Variants in LPP observed in about 807,000 individuals in gnomAD.
LPP encodes lipoma-preferred partner.
LPP carries 38 observed loss-of-function variants against 60.4 expected under a neutral mutation model. That is an observed-to-expected ratio of 0.63 (90% confidence interval 0.49 to 0.83). The LOEUF is 0.83. Ranked by LOEUF, LPP falls within the 40% of genes least tolerant of loss-of-function variation. LPP has a pLI of 0.00. For synonymous variants in LPP, 328 were observed against 290.8 expected, an observed-to-expected ratio of 1.13 and a Z score of -1.30; for missense variants, 902 against 783.6, an observed-to-expected ratio of 1.15 and a Z score of -1.80.
At chr3:188,375,938 A>G (rs563445612) in intron 3 of LPP, among the ~76,000 whole-genome samples, 27 of 152,176 alleles carry the variant, frequency 1.8e-4, no homozygotes, top group Admixed American at 4.6e-4. Flanking sequence ...GAACATCTTT[A>G]TTTCTGCCTT....
rs568779800 is a variant in LPP, at chr3:188,373,316, C to T, written c.-10+31597C>T. Among the ~76,000 whole-genome samples the T allele has an allele frequency of 6.2e-4, 94 of 152,308 alleles. No individual in the cohort carries two copies. In the Middle Eastern group the frequency reaches 0.01, roughly 17 times the overall value. The stretch of plus-strand genomic sequence containing the variant: ...CACAATGGTTGAACTAGTTCACAGT[C>T]CCACCAAAAGTGTAAAAGTGTTCCT... On this transcript the variant is annotated intron_variant, in intron 3 of 11. Coordinates refer to ENST00000617246, the MANE Select transcript of LPP (RefSeq NM_001375462.1).
intron 6 of LPP, among the ~76,000 whole-genome samples, chr3:188,554,262 C>T (rs1828937033): frequency 6.6e-6 from 1 of 152,020 alleles, no homozygotes; most frequent in African/African-American, 2.4e-5. Flanking sequence ...GAGGAAAAAC[C>T]TTCTATCCCC....
At chr3:188,401,787 C>G (rs1325939589) in intron 3 of LPP, among the ~76,000 whole-genome samples, 1 of 152,078 alleles carries the variant, frequency 6.6e-6, no homozygotes, top group African/African-American at 2.4e-5. Context: ...GGCAGAGCAC[C>G]ATGTGACGAA....
intron 3 of LPP, among the ~76,000 whole-genome samples, chr3:188,346,886 G>A (rs567131018): frequency 1.1e-4 from 16 of 152,084 alleles, no homozygotes; most frequent in African/African-American, 2.4e-4. Flanking sequence ...TGTTAGGCTC[G>A]TTTTGTAGCA....
At chr3:188,749,071 G>A (rs1022878554) in intron 8 of LPP, among the ~76,000 whole-genome samples, 3 of 152,180 alleles carry the variant, frequency 2.0e-5, no homozygotes, top group African/African-American at 7.2e-5. Flanking sequence ...GGTTGCAATT[G>A]TAATGGAGTT....
At chr3:188,240,609 G>A (rs2149453411) in intron 2 of LPP, among the ~76,000 whole-genome samples, 1 of 152,222 alleles carries the variant, frequency 6.6e-6, no homozygotes, top group South Asian at 2.1e-4. Context: ...TATTAGACCA[G>A]CAACATATTT....
chr3:188,491,399 G>A (rs537212882), intron 5 of LPP, among the ~76,000 whole-genome samples: 32 of 152,310 alleles, frequency 2.1e-4, no homozygotes, highest in African/African-American at 7.7e-4. Flanking sequence ...TAAAATGCTT[G>A]TTTTCAAAAG....
chr3:188,527,429 G>A lies in LPP; in HGVS notation c.429+2642G>A, dbSNP rs146227355. On this transcript the variant is annotated intron_variant, in intron 6 of 11. Transcript: ENST00000617246. ...AGCGTGTAGACACGTTTAAATGCCA[G>A]ATTATGATTTTAATCTGTCTTTTGT... Among the ~76,000 whole-genome samples the A allele has an allele frequency of 1.5e-4, 22 of 151,078 alleles. No individual in the cohort carries two copies. The East Asian group carries it at 4.1e-3, about 28-fold the overall frequency.
chr3:188,187,543 C>T (rs1726959298), intron 1 of LPP, among the ~76,000 whole-genome samples: 1 of 151,998 alleles, frequency 6.6e-6, no homozygotes, highest in African/African-American at 2.4e-5. Flanking sequence ...TTAGCATTTT[C>T]TACCATATCT....
At chr3:188,215,246 C>T (rs1713065845) in intron 1 of LPP, among the ~76,000 whole-genome samples, 1 of 151,640 alleles carries the variant, frequency 6.6e-6, no homozygotes, top group African/African-American at 2.4e-5. Flanking sequence ...GTGGAGGTTG[C>T]AGTGAGCCAA....
intron 2 of LPP, among the ~76,000 whole-genome samples, chr3:188,267,610 T>G (rs1736045385): frequency 1.3e-5 from 2 of 152,194 alleles, no homozygotes; most frequent in African/African-American, 4.8e-5. Context: ...GCCATTGTAC[T>G]GGAGTTGCTT....
chr3:188,812,042 G>GT (rs1186223658), intron 9 of LPP, among the ~76,000 whole-genome samples: 1 of 152,080 alleles, frequency 6.6e-6, no homozygotes, highest in African/African-American at 2.4e-5. Context: ...TTGTAAGGTA[G>GT]TAAGAGGATC....
At position 188,423,969 on chromosome 3, in the gene LPP, A is replaced by G. The variant is rs192043767; in HGVS notation, c.193+17656A>G. Among the ~76,000 whole-genome samples, 403 of 151,850 alleles carry G rather than the reference A, an allele frequency of 2.7e-3. 6 individuals carry two copies. Among genetic ancestry groups the G allele is most frequent in the South Asian group, 0.026 (123 of 4,802 alleles). On this transcript the variant is annotated intron_variant, in intron 4 of 11. Coordinates refer to ENST00000617246, the MANE Select transcript of LPP (RefSeq NM_001375462.1). ...AAGCTCTTTAGTTTAATTAGATCCCATTTGTCAATTTTAGCTTTTGTTGCC... is the reference window on the plus strand; with the variant it reads ...AAGCTCTTTAGTTTAATTAGATCCCGTTTGTCAATTTTAGCTTTTGTTGCC...
chr3:188,223,315 C>T (rs1006066057), intron 1 of LPP, among the ~76,000 whole-genome samples: 9 of 151,892 alleles, frequency 5.9e-5, no homozygotes, highest in Middle Eastern at 3.2e-3. Context: ...GAACTATAAC[C>T]GGGTGGGGGG....
At chr3:188,404,373 T>C (rs1782931699) in intron 3 of LPP, among the ~76,000 whole-genome samples, 2 of 152,176 alleles carry the variant, frequency 1.3e-5, no homozygotes, top group African/African-American at 4.8e-5. Context: ...GCCTCTTGAG[T>C]AGCTGGAACA....
chr3:188,406,715 A>C (rs1444977397), intron 4 of LPP, among the ~76,000 whole-genome samples: 1 of 152,208 alleles, frequency 6.6e-6, no homozygotes, highest in Non-Finnish European at 1.5e-5. Context: ...GTCCAATCAG[A>C]AACTTATACA....
intron 1 of LPP, among the ~76,000 whole-genome samples, chr3:188,185,096 G>C (rs1425243582): frequency 6.6e-6 from 1 of 152,168 alleles, no homozygotes; most frequent in African/African-American, 2.4e-5. Context: ...TGTTTGCAGA[G>C]ACGCCTTCTT....
chr3:188,432,537 A>G (rs1208222401), intron 4 of LPP, among the ~76,000 whole-genome samples: 1 of 152,024 alleles, frequency 6.6e-6, no homozygotes, highest in Non-Finnish European at 1.5e-5. Context: ...GCTATAGGTG[A>G]TCATGTGTGA....
chr3:188,708,869 T>TTTTTTTG (rs1866022878), intron 8 of LPP: 1 of 166,818 alleles, frequency 6.0e-6, no homozygotes. Context: ...TGAGACCCTG[T>TTTTTTTG]TTTTTTGTTT....
Sources: gnomAD v4.1 joint callset for allele counts (sites outside exome capture counted in the v4.1 genomes callset) on GRCh38, gnomAD v4.1.1 for gene constraint, MANE v1.5 for transcripts, NCBI Gene and HGNC (gene_info 2026-07-23, HGNC 2026-07-21) for gene names.